Variants in ZNF438 observed in about 807,000 individuals in gnomAD.
The protein encoded by ZNF438 is zinc finger protein 438.
Under a neutral mutation model 38.0 loss-of-function variants are expected in ZNF438, and 25 were observed. The observed-to-expected ratio is 0.66, with a 90% CI of 0.48 to 0.92. ZNF438 has a LOEUF of 0.92. Among genes scored for constraint, ZNF438 ranks in the 40% least tolerant of loss-of-function variants. The probability of loss-of-function intolerance (pLI) is 0.00; values close to 1 mark genes in which losing one functional copy is unlikely to be tolerated. For missense variants in ZNF438, 1,007 were observed against 999.6 expected (o/e 1.01, Z -0.10); for synonymous variants, 372 against 364.1 (o/e 1.02, Z -0.25).
At chr10:30,960,481 T>C (rs2136014484) in intron 1 of ZNF438, among the ~76,000 whole-genome samples, 1 of 147,374 alleles carries the variant, frequency 6.8e-6, no homozygotes, top group African/African-American at 2.4e-5. Context: ...TTTTTGTATA[T>C]GATATCCAAT....
intron 1 of ZNF438, among the ~76,000 whole-genome samples, chr10:30,971,457 A>G (rs1459551780): frequency 6.6e-6 from 1 of 152,218 alleles, no homozygotes; most frequent in East Asian, 1.9e-4. Context: ...GGAAGAATAA[A>G]TAGCAAAATG....
exon 6 of ZNF438, chr10:30,844,828 A>G (rs2031490568): frequency 3.5e-6 from 4 of 1,159,406 alleles, no homozygotes; most frequent in Admixed American, 2.4e-5. Context: ...AAAACCATGT[A>G]CAAAAATCAT....
chr10:30,946,866 T>C (rs1405427349), intron 1 of ZNF438, among the ~76,000 whole-genome samples: 1 of 152,230 alleles, frequency 6.6e-6, no homozygotes, highest in Non-Finnish European at 1.5e-5. Flanking sequence ...TACTGGCCTA[T>C]TATAAATATA....
At position 30,967,135 on chromosome 10, in the gene ZNF438, G is replaced by A. The variant is rs544812374; in HGVS notation, c.-191-25484C>T. The stretch of plus-strand genomic sequence containing the variant: ...TACTCCTTTTCCCTGTAAATTAGCT[G>A]CTGACCCATTCTTATGCTCCATGGC... On this transcript the variant is annotated intron_variant, in intron 1 of 5. Transcript: ENST00000413025. 2.0e-5 allele frequency among the ~76,000 whole-genome samples: 3 copies of A among 152,302 alleles called. No homozygotes were observed. The East Asian group carries it at 5.8e-4, about 29-fold the overall frequency.
At chr10:31,004,576 G>C (rs2054946481) in intron 1 of ZNF438, among the ~76,000 whole-genome samples, 1 of 152,230 alleles carries the variant, frequency 6.6e-6, no homozygotes, top group African/African-American at 2.4e-5. Flanking sequence ...GAGTGAGGGA[G>C]TGAGATAATA....
intron 1 of ZNF438, among the ~76,000 whole-genome samples, chr10:30,973,407 T>C (rs2050965326): frequency 6.6e-6 from 1 of 152,194 alleles, no homozygotes; most frequent in African/African-American, 2.4e-5. Context: ...CATTTATATG[T>C]TGGCCTCACC....
intron 1 of ZNF438, among the ~76,000 whole-genome samples, chr10:31,004,595 G>A (rs931420689): frequency 6.6e-6 from 1 of 152,298 alleles, no homozygotes; most frequent in Admixed American, 6.5e-5. Context: ...TAGACACGTC[G>A]GAAGACTGCT....
chr10:30,989,376 CAAGTA>C (rs1225164873), intron 1 of ZNF438, among the ~76,000 whole-genome samples: 1 of 152,148 alleles, frequency 6.6e-6, no homozygotes, highest in African/African-American at 2.4e-5. Context: ...AAGAAACATG[CAAGTA>C]AAGAAGAATT....
intron 1 of ZNF438, among the ~76,000 whole-genome samples, chr10:31,031,540 T>C (rs970470863): frequency 6.6e-6 from 1 of 152,174 alleles, no homozygotes; most frequent in East Asian, 1.9e-4. Flanking sequence ...AAAGGGACTC[T>C]CCATTTGGAC....
At chr10:30,943,672 G>A (rs1211892405) in intron 1 of ZNF438, among the ~76,000 whole-genome samples, 2 of 152,136 alleles carry the variant, frequency 1.3e-5, no homozygotes, top group Non-Finnish European at 2.9e-5. Flanking sequence ...ATTTGGAGCA[G>A]TGTCCTGGAA....
intron 1 of ZNF438, among the ~76,000 whole-genome samples, chr10:31,027,938 A>T (rs1175927449): frequency 6.6e-6 from 1 of 152,240 alleles, no homozygotes; most frequent in Admixed American, 6.5e-5. Flanking sequence ...TACATGGTTT[A>T]AATTTGAAAT....
At chr10:31,021,555 A>G (rs1313218995) in intron 1 of ZNF438, among the ~76,000 whole-genome samples, 1 of 152,090 alleles carries the variant, frequency 6.6e-6, no homozygotes, top group Admixed American at 6.5e-5. Flanking sequence ...GCTATATATC[A>G]TTTTAATGGA....
At chr10:30,901,112 T>C (rs2041922556) in intron 3 of ZNF438, among the ~76,000 whole-genome samples, 1 of 152,210 alleles carries the variant, frequency 6.6e-6, no homozygotes, top group South Asian at 2.1e-4. Flanking sequence ...TAAACACTAA[T>C]AATCAGGAAG....
exon 5 of ZNF438, chr10:30,850,028 G>T (rs2033262523): frequency 1.2e-6 from 2 of 1,614,016 alleles, no homozygotes; most frequent in South Asian, 1.1e-5. Flanking sequence ...ATTTCTAGGG[G>T]GTTGATATCT....
At chr10:30,956,825 G>GT (rs1464096140) in intron 1 of ZNF438, among the ~76,000 whole-genome samples, 2 of 152,038 alleles carry the variant, frequency 1.3e-5, no homozygotes, top group African/African-American at 4.8e-5. Context: ...CTTGGCTATT[G>GT]TAACTAGTGC....
intron 3 of ZNF438, among the ~76,000 whole-genome samples, chr10:30,908,168 T>C (rs1316126545): frequency 2.0e-5 from 3 of 152,212 alleles, no homozygotes; most frequent in African/African-American, 4.8e-5. Flanking sequence ...AATTTCTACA[T>C]ATTTGTGCAT....
intron 2 of ZNF438, among the ~76,000 whole-genome samples, chr10:30,938,424 C>T (rs140967437): frequency 0.08 from 12,198 of 152,038 alleles, 581 homozygotes; most frequent in Non-Finnish European, 0.11. Context: ...TACAGGTGCA[C>T]GCCACCATGC....
intron 2 of ZNF438, among the ~76,000 whole-genome samples, chr10:30,929,050 G>C (rs891538905): frequency 1.3e-5 from 2 of 152,178 alleles, no homozygotes; most frequent in African/African-American, 4.8e-5. Flanking sequence ...AAAAGAGTTG[G>C]AATTTTTGTT....
At chr10:30,891,837 T>C (rs980462677) in intron 3 of ZNF438, among the ~76,000 whole-genome samples, 4 of 152,126 alleles carry the variant, frequency 2.6e-5, no homozygotes, top group Non-Finnish European at 5.9e-5. Context: ...AAGATTTGAG[T>C]CTTTCTACAT....
Sources: allele counts gnomAD v4.1 joint callset (sites outside exome capture counted in the v4.1 genomes callset), GRCh38; gene constraint gnomAD v4.1.1; transcripts MANE v1.5; gene names NCBI Gene and HGNC (gene_info 2026-07-23, HGNC 2026-07-21).